TBL1XR1: variants seen among roughly 807,000 people sequenced by gnomAD.
TBL1XR1 encodes F-box-like/WD repeat-containing protein TBL1XR1.
A neutral mutation model predicts 66.9 loss-of-function variants in TBL1XR1; 5 were observed. The observed-to-expected ratio is 0.07, with a 90% CI of 0.04 to 0.16. The LOEUF (loss-of-function observed/expected upper bound fraction) is 0.16. Ranked by LOEUF, TBL1XR1 falls within the 10% of genes least tolerant of loss-of-function variation. The pLI is 1.00. For synonymous variants in TBL1XR1, 210 were observed against 206.0 expected (o/e 1.02, Z -0.17); for missense variants, 238 against 623.2 (o/e 0.38, Z 6.58).
intron 1 of TBL1XR1, among the ~76,000 whole-genome samples, chr3:177,123,033 T>C (rs1433674878): frequency 6.6e-6 from 1 of 152,132 alleles, no homozygotes; most frequent in Non-Finnish European, 1.5e-5. Flanking sequence ...CGCACACATG[T>C]GTCTTGTATC....
At chr3:177,181,319 G>A (rs977421721) in intron 1 of TBL1XR1, among the ~76,000 whole-genome samples, 5 of 151,748 alleles carry the variant, frequency 3.3e-5, no homozygotes, top group Non-Finnish European at 7.4e-5. Context: ...ATCTCTACTA[G>A]TAATACAAAA....
At chr3:177,069,803 AGG>A (rs1491384136) in intron 2 of TBL1XR1, among the ~76,000 whole-genome samples, 18 of 113,092 alleles carry the variant, frequency 1.6e-4, no homozygotes, top group Non-Finnish European at 3.5e-4. Flanking sequence ...AAAGGAAGGA[AGG>A]AAGGAAGGAA....
intron 1 of TBL1XR1, among the ~76,000 whole-genome samples, chr3:177,160,473 CAAAA>C (rs11303033): frequency 2.6e-5 from 3 of 117,136 alleles, no homozygotes; most frequent in African/African-American, 1.0e-4. Flanking sequence ...GACTCTGTCT[CAAAA>C]AAAAAAAAAA....
At chr3:177,142,626 T>C (rs926175522) in intron 1 of TBL1XR1, among the ~76,000 whole-genome samples, 1 of 152,332 alleles carries the variant, frequency 6.6e-6, no homozygotes, top group East Asian at 1.9e-4. Flanking sequence ...ACTATTGAAC[T>C]ATACATTTTT....
chr3:177,094,665 T>C (rs79911923), intron 2 of TBL1XR1, among the ~76,000 whole-genome samples: 2,802 of 152,286 alleles, frequency 0.018, 30 homozygotes, highest in Middle Eastern at 0.041. Flanking sequence ...ATGGCATTCA[T>C]AGCACCCTGG....
chr3:177,122,872 G>A (rs1357455327), intron 1 of TBL1XR1, among the ~76,000 whole-genome samples: 1 of 152,110 alleles, frequency 6.6e-6, no homozygotes, highest in African/African-American at 2.4e-5. Flanking sequence ...TTTTAATAAT[G>A]TGGCTTATTA....
chr3:177,120,753 T>C (rs1396781726), intron 1 of TBL1XR1: 1 of 152,256 alleles, frequency 6.6e-6, no homozygotes, highest in African/African-American at 2.4e-5. Flanking sequence ...TTCGATCTGT[T>C]ACTGACTACA....
intron 1 of TBL1XR1, among the ~76,000 whole-genome samples, chr3:177,148,622 G>C (rs1426189012): frequency 6.6e-6 from 1 of 152,088 alleles, no homozygotes; most frequent in East Asian, 1.9e-4. Context: ...GGCTGAGGCA[G>C]GAGAATCACT....
chr3:177,055,304 A>AT (rs1280967638), intron 3 of TBL1XR1, among the ~76,000 whole-genome samples: 2 of 152,020 alleles, frequency 1.3e-5, no homozygotes, highest in Non-Finnish European at 2.9e-5. Flanking sequence ...AAATTTGGTT[A>AT]TTTGATAGTC....
intron 1 of TBL1XR1, chr3:177,110,929 C>T (rs1725479171): frequency 6.6e-6 from 1 of 152,164 alleles, no homozygotes; most frequent in South Asian, 2.1e-4. Flanking sequence ...GTATGATTTT[C>T]ACCCCCTTGA....
intron 2 of TBL1XR1, among the ~76,000 whole-genome samples, chr3:177,066,545 C>T (rs911285762): frequency 1.2e-4 from 18 of 152,120 alleles, no homozygotes; most frequent in Admixed American, 8.5e-4. Context: ...ACCTTCAAGG[C>T]AGCACTAAGA....
At chr3:177,051,312 G>A (rs1423130389) in intron 5 of TBL1XR1, among the ~76,000 whole-genome samples, 192 bp downstream of exon 5, 1 of 151,886 alleles carries the variant, frequency 6.6e-6, no homozygotes, top group Non-Finnish European at 1.5e-5. Context: ...AGGGTGGGAG[G>A]AAGAGGAGGA....
intron 1 of TBL1XR1, among the ~76,000 whole-genome samples, chr3:177,178,162 A>G (rs1487329563): frequency 6.6e-6 from 1 of 152,208 alleles, no homozygotes; most frequent in South Asian, 2.1e-4. Flanking sequence ...AAGGTGAAAC[A>G]AGATAAGGTT....
intron 1 of TBL1XR1, among the ~76,000 whole-genome samples, chr3:177,105,821 G>C (rs770999484): frequency 8.5e-5 from 13 of 152,052 alleles, no homozygotes; most frequent in Non-Finnish European, 1.9e-4. Context: ...TGATTCCAAT[G>C]GGGACTGAGA....
chr3:177,072,137 A>C (rs899502936), intron 2 of TBL1XR1, among the ~76,000 whole-genome samples: 1 of 152,192 alleles, frequency 6.6e-6, no homozygotes, highest in Non-Finnish European at 1.5e-5. Context: ...GACACACAGC[A>C]ATGTACTTCA....
intron 1 of TBL1XR1, among the ~76,000 whole-genome samples, chr3:177,143,630 T>C (rs540799862): frequency 1.6e-4 from 25 of 152,374 alleles, no homozygotes; most frequent in African/African-American, 4.8e-4. Context: ...TACTAGATTA[T>C]ATTTATCTCA....
At chr3:177,172,695 GAGGAGAGGGA>G in intron 1 of TBL1XR1, among the ~76,000 whole-genome samples, 1 of 138,492 alleles carries the variant, frequency 7.2e-6, no homozygotes, top group African/African-American at 2.6e-5. Flanking sequence ...GAGGGGAGGG[GAGGAGAGGGA>G]AGAGAAGAGC....
chr3:177,187,071 G>A (rs1735510645), intron 1 of TBL1XR1, among the ~76,000 whole-genome samples: 1 of 151,860 alleles, frequency 6.6e-6, no homozygotes, highest in African/African-American at 2.4e-5. Context: ...GGAGGCTGAG[G>A]CAGGAGAATG....
At chr3:177,034,082 GAA>G (rs200642827) in intron 13 of TBL1XR1, 114 bp downstream of exon 13, 9,052 of 899,820 alleles carry the variant, frequency 0.01, no homozygotes, top group Middle Eastern at 0.015. Context: ...ACTGAAATTG[GAA>G]AAAAAAAAAA....
Sources: gnomAD v4.1 joint callset for allele counts (sites outside exome capture counted in the v4.1 genomes callset) on GRCh38, gnomAD v4.1.1 for gene constraint, MANE v1.5 for transcripts, NCBI Gene and HGNC (gene_info 2026-07-23, HGNC 2026-07-21) for gene names.